ROBO1: variants seen among roughly 807,000 people sequenced by gnomAD.
ROBO1 encodes the protein roundabout homolog 1.
In ROBO1, 149 loss-of-function variants were observed where a neutral mutation model predicts 195.9. The observed-to-expected ratio is 0.76, with a 90% CI of 0.67 to 0.87. The LOEUF (loss-of-function observed/expected upper bound fraction) is 0.87. Ranked by LOEUF, ROBO1 falls within the 40% of genes least tolerant of loss-of-function variation. ROBO1 has a pLI of 0.00. For missense variants in ROBO1, 1,933 were observed against 2,068.3 expected (o/e 0.93, Z 1.27); for synonymous variants, 816 against 733.2 (o/e 1.11, Z -1.82).
At chr3:78,993,384 T>A (rs190425618) in intron 3 of ROBO1, among the ~76,000 whole-genome samples, 5 of 152,274 alleles carry the variant, frequency 3.3e-5, no homozygotes, top group Admixed American at 3.3e-4. Context: ...ATTTTCCCCC[T>A]CATAGTTGTA....
chr3:79,690,531 C>G (rs964900380), intron 1 of ROBO1, among the ~76,000 whole-genome samples: 2 of 151,996 alleles, frequency 1.3e-5, no homozygotes, highest in Non-Finnish European at 2.9e-5. Flanking sequence ...ACACCATGCT[C>G]TTAGTTCAGT....
At chr3:79,565,193 CCAA>C (rs752541563) in intron 2 of ROBO1, among the ~76,000 whole-genome samples, 1 of 152,034 alleles carries the variant, frequency 6.6e-6, no homozygotes, top group Non-Finnish European at 1.5e-5. Context: ...TCCTTCTCTA[CCAA>C]CAACAATAGC....
chr3:78,829,451 C>T (rs994257735), intron 4 of ROBO1, among the ~76,000 whole-genome samples: 4 of 152,114 alleles, frequency 2.6e-5, no homozygotes, highest in African/African-American at 7.2e-5. Flanking sequence ...TCAAGATTAG[C>T]TCTGTAGGCT....
intron 2 of ROBO1, among the ~76,000 whole-genome samples, chr3:79,296,365 G>T (rs2032599708): frequency 6.6e-6 from 1 of 152,126 alleles, no homozygotes; most frequent in Admixed American, 6.6e-5. Flanking sequence ...ACATAGTTGA[G>T]CAATCATCAG....
intron 2 of ROBO1, among the ~76,000 whole-genome samples, chr3:79,287,802 A>G (rs1275609724): frequency 1.3e-5 from 2 of 152,186 alleles, no homozygotes; most frequent in Non-Finnish European, 2.9e-5. Flanking sequence ...CTTGATTTTG[A>G]TACAAATGTT....
At chr3:79,656,556 T>C (rs960236161) in intron 1 of ROBO1, among the ~76,000 whole-genome samples, 1 of 152,048 alleles carries the variant, frequency 6.6e-6, no homozygotes, top group South Asian at 2.1e-4. Context: ...TTTACTGTCA[T>C]AACCATAGAA....
At chr3:79,240,256 T>C (rs530502787) in intron 2 of ROBO1, among the ~76,000 whole-genome samples, 1 of 152,330 alleles carries the variant, frequency 6.6e-6, no homozygotes. Flanking sequence ...CTTATTTTAC[T>C]TAGCACAATG....
In ROBO1 at chr3:78,853,795, C is replaced by A. The variant is rs1020897267; in HGVS notation, c.499+84806G>T. 8.6e-5 allele frequency among the ~76,000 whole-genome samples: 13 copies of A among 152,008 alleles called. 1 individual carries two copies. Among genetic ancestry groups the A allele is most frequent in the Non-Finnish European group, 4.4e-5 (3 of 68,024 alleles). On this transcript the variant is annotated intron_variant, in intron 4 of 30. Coordinates refer to ENST00000464233, the MANE Select transcript of ROBO1 (RefSeq NM_002941.4). ...GTTCCACGTGACTGGAGAGGCCTCA[C>A]AATGATAGCGGAAGGCAAAAAGGAC...
chr3:78,676,063 C>A (rs890983102), intron 10 of ROBO1, among the ~76,000 whole-genome samples: 11 of 152,182 alleles, frequency 7.2e-5, no homozygotes, highest in African/African-American at 2.4e-4. Context: ...CCCAGGCAAA[C>A]AGGGTCTGGA....
At chr3:78,722,399 T>C (rs1000728151) in intron 5 of ROBO1, among the ~76,000 whole-genome samples, 2 of 152,158 alleles carry the variant, frequency 1.3e-5, no homozygotes, top group Admixed American at 1.3e-4. Context: ...AAAGCTGTTT[T>C]CATTAGTAAC....
At chr3:78,791,319 T>C (rs1222727270) in intron 4 of ROBO1, among the ~76,000 whole-genome samples, 2 of 152,186 alleles carry the variant, frequency 1.3e-5, no homozygotes, top group Non-Finnish European at 2.9e-5. Context: ...TAGGAATTCA[T>C]GCCAATTTGC....
At chr3:79,327,536 T>C (rs777701691) in intron 2 of ROBO1, among the ~76,000 whole-genome samples, 1 of 151,948 alleles carries the variant, frequency 6.6e-6, no homozygotes, top group African/African-American at 2.4e-5. Flanking sequence ...ACATGTACCA[T>C]AGTCATTAAT....
chr3:79,088,478 G>A lies in ROBO1; in HGVS notation c.172+36978C>T, dbSNP rs566727809. On this transcript the variant is annotated intron_variant, in intron 3 of 30. Coordinates refer to ENST00000464233, the MANE Select transcript of ROBO1 (RefSeq NM_002941.4). ...AGTCTTAACAATGTTGTAAAAATAT[G>A]CAAGTTTAAATTGTATATACCGGAT... Among the ~76,000 whole-genome samples, 6 of 152,156 alleles carry A rather than the reference G, an allele frequency of 3.9e-5. No individual in the cohort carries two copies. In the South Asian group the frequency reaches 1.2e-3, roughly 32 times the overall value.
chr3:79,431,393 T>G (rs2107032187), intron 2 of ROBO1, among the ~76,000 whole-genome samples: 1 of 152,276 alleles, frequency 6.6e-6, no homozygotes, highest in Non-Finnish European at 1.5e-5. Context: ...GTCCCCCAAG[T>G]TTCTTGGCTG....
At chr3:79,363,849 A>G (rs1289616675) in intron 2 of ROBO1, among the ~76,000 whole-genome samples, 1 of 152,166 alleles carries the variant, frequency 6.6e-6, no homozygotes, top group Non-Finnish European at 1.5e-5. Context: ...ACATAATGAC[A>G]TATATTATTA....
chr3:78,683,413 C>T (rs996206308), intron 10 of ROBO1, among the ~76,000 whole-genome samples: 4 of 151,906 alleles, frequency 2.6e-5, no homozygotes, highest in African/African-American at 9.7e-5. Context: ...GAAATTTTCA[C>T]AAGTTTATTT....
In ROBO1 at chr3:79,414,027, G is replaced by A. The variant is rs369155834; in HGVS notation, c.88+175797C>T. On this transcript the variant is annotated intron_variant, in intron 2 of 30. Coordinates refer to ENST00000464233, the MANE Select transcript of ROBO1 (RefSeq NM_002941.4). ...CGACCTTTTTATTTACTTTCTCCTC[G>A]AAATACCTTTTTCCCATTTCTACTT... is the stretch of plus-strand genomic sequence containing the variant. Among the ~76,000 whole-genome samples the A allele has an allele frequency of 5.9e-5, 9 of 152,052 alleles. No individual in the cohort carries two copies. The East Asian group carries it at 1.2e-3, about 20-fold the overall frequency.
chr3:79,225,437 C>T (rs2082210326), intron 2 of ROBO1, among the ~76,000 whole-genome samples: 1 of 152,138 alleles, frequency 6.6e-6, no homozygotes, highest in Non-Finnish European at 1.5e-5. Context: ...TATAATTCTC[C>T]CCACTTGCAC....
intron 2 of ROBO1, among the ~76,000 whole-genome samples, chr3:79,396,469 A>C (rs561552493): frequency 6.6e-6 from 1 of 152,206 alleles, no homozygotes; most frequent in South Asian, 2.1e-4. Flanking sequence ...AATTAGAAAA[A>C]CATTAAAAAA....
Sources: gnomAD v4.1 joint callset for allele counts (sites outside exome capture counted in the v4.1 genomes callset) on GRCh38, gnomAD v4.1.1 for gene constraint, MANE v1.5 for transcripts, NCBI Gene and HGNC (gene_info 2026-07-23, HGNC 2026-07-21) for gene names.